Variants in PDE4D observed in about 807,000 individuals in gnomAD.
The protein encoded by PDE4D is 3',5'-cyclic-AMP phosphodiesterase 4D.
Under a neutral mutation model 87.4 loss-of-function variants are expected in PDE4D, and 24 were observed. The ratio of observed to expected loss-of-function variants is 0.27; its 90% confidence interval spans 0.20 to 0.39. The LOEUF (loss-of-function observed/expected upper bound fraction) is 0.39, where lower values mean the gene tolerates loss of function less well. PDE4D is among the 10% of genes least tolerant of loss of function. The pLI is 1.00. For missense variants in PDE4D, 714 were observed against 1,041.0 expected (o/e 0.69, Z 4.32); for synonymous variants, 384 against 383.2 (o/e 1.00, Z -0.02).
chr5:59,140,762 A>G (rs1777768855), intron 5 of PDE4D, among the ~76,000 whole-genome samples: 1 of 152,212 alleles, frequency 6.6e-6, no homozygotes, highest in Non-Finnish European at 1.5e-5. Context: ...TGGCAAGCAC[A>G]CATTCTTATC....
At chr5:59,537,309 T>C (rs1325321088) in intron 1 of PDE4D, among the ~76,000 whole-genome samples, 2 of 152,240 alleles carry the variant, frequency 1.3e-5, no homozygotes, top group African/African-American at 4.8e-5. Context: ...TTTCCAGTTA[T>C]TAATTAGGAA....
In PDE4D at chr5:60,364,203, G is replaced by A. The variant is rs146498351; in HGVS notation, c.-90+123739C>T. Among the ~76,000 whole-genome samples, 51 of 152,248 alleles carry A rather than the reference G, an allele frequency of 3.3e-4. 1 individual carries two copies. The East Asian group carries it at 9.1e-3, about 27-fold the overall frequency. On this transcript the variant is annotated intron_variant, in intron 1 of 16. Coordinates refer to the PDE4D transcript ENST00000502484. ...GGTTCTCCTCAGGCTGCTCACACTTGTCTTTTCAGAAAGACCAGCCAAACT... is the reference window on the plus strand; with the variant it reads ...GGTTCTCCTCAGGCTGCTCACACTTATCTTTTCAGAAAGACCAGCCAAACT...
At chr5:60,270,292 G>A (rs12523473) in intron 1 of PDE4D, among the ~76,000 whole-genome samples, 81,434 of 151,960 alleles carry the variant, frequency 0.54, 23,370 homozygotes, top group African/African-American at 0.72. Context: ...CTCATTTACA[G>A]TTACATAAAC....
intron 1 of PDE4D, among the ~76,000 whole-genome samples, chr5:59,447,659 TA>T (rs1456387491): frequency 7.2e-5 from 11 of 152,238 alleles, no homozygotes; most frequent in African/African-American, 2.7e-4. Context: ...AGAATGTATG[TA>T]AAAAACTTTA....
chr5:60,283,885 T>A (rs1752177272), intron 1 of PDE4D, among the ~76,000 whole-genome samples: 1 of 152,044 alleles, frequency 6.6e-6, no homozygotes, highest in Non-Finnish European at 1.5e-5. Context: ...GTGTATTTCC[T>A]ATGCACAGAG....
intron 1 of PDE4D, among the ~76,000 whole-genome samples, chr5:59,671,754 C>G (rs1747245340): frequency 1.3e-5 from 2 of 151,006 alleles, no homozygotes; most frequent in Non-Finnish European, 2.9e-5. Context: ...GCTGCAGGAG[C>G]CATGATCATA....
At chr5:59,483,101 T>G (rs1366863408) in intron 1 of PDE4D, among the ~76,000 whole-genome samples, 1 of 152,144 alleles carries the variant, frequency 6.6e-6, no homozygotes, top group African/African-American at 2.4e-5. Flanking sequence ...GGAGGTTGGT[T>G]TTTTCCTGCC....
At chr5:60,406,095 AT>A (rs530603483) in intron 1 of PDE4D, among the ~76,000 whole-genome samples, 395 of 152,288 alleles carry the variant, frequency 2.6e-3, no homozygotes, top group African/African-American at 9.0e-3. Flanking sequence ...TGGAAAAAAA[AT>A]AATAAAGATA....
At chr5:59,421,697 G>T (rs1339786476) in intron 1 of PDE4D, among the ~76,000 whole-genome samples, 14 of 152,096 alleles carry the variant, frequency 9.2e-5, no homozygotes, top group African/African-American at 3.1e-4. Context: ...GTTAGTAGGA[G>T]TCTAAAGGGG....
chr5:59,334,252 T>TTTG (rs1777256356), intron 1 of PDE4D, among the ~76,000 whole-genome samples: 2 of 67,290 alleles, frequency 3.0e-5, no homozygotes, highest in African/African-American at 8.3e-5. Context: ...GTGGAGTTTT[T>TTTG]TTTTTTTTTT....
intron 1 of PDE4D, among the ~76,000 whole-genome samples, chr5:59,301,477 G>T (rs1770240310): frequency 6.6e-6 from 1 of 152,102 alleles, no homozygotes; most frequent in Non-Finnish European, 1.5e-5. Context: ...AGATGAAAAG[G>T]ACAGATTTTC....
intron 2 of PDE4D, among the ~76,000 whole-genome samples, chr5:60,007,707 A>G (rs1764626281): frequency 1.3e-5 from 2 of 151,978 alleles, no homozygotes; most frequent in Admixed American, 1.3e-4. Context: ...CCCTTGTTTC[A>G]TGACCCTCTA....
At chr5:60,503,914 A>C (rs897367691) in intron 1 of PDE4D, among the ~76,000 whole-genome samples, 1 of 152,192 alleles carries the variant, frequency 6.6e-6, no homozygotes, top group African/African-American at 2.4e-5. Context: ...GACCTTTGTA[A>C]GCTTCAAACC....
intron 1 of PDE4D, among the ~76,000 whole-genome samples, chr5:59,584,556 T>A (rs549613267): frequency 2.0e-5 from 3 of 152,350 alleles, no homozygotes; most frequent in South Asian, 2.1e-4. Context: ...TAGAGGAGCA[T>A]GAATAAGCAA....
At chr5:60,390,672 C>G (rs1215307365) in intron 1 of PDE4D, among the ~76,000 whole-genome samples, 1 of 151,744 alleles carries the variant, frequency 6.6e-6, no homozygotes, top group African/African-American at 2.4e-5. Flanking sequence ...ACAAGAACCA[C>G]CAGCTGAGGA....
chr5:60,463,614 C>T (rs1007998200), intron 1 of PDE4D, among the ~76,000 whole-genome samples: 1 of 152,164 alleles, frequency 6.6e-6, no homozygotes, highest in Non-Finnish European at 1.5e-5. Context: ...AACATTCTAA[C>T]CCCTGGAGAA....
chr5:60,046,594 C>G (rs1769289812), intron 2 of PDE4D, among the ~76,000 whole-genome samples: 1 of 152,166 alleles, frequency 6.6e-6, no homozygotes, highest in Non-Finnish European at 1.5e-5. Context: ...TGAATTTTGT[C>G]AAAGGCCTTT....
intron 1 of PDE4D, among the ~76,000 whole-genome samples, chr5:60,400,309 TCAGGAGATCGAGACCATCCTGGCTAA>T (rs1032436810): frequency 6.6e-6 from 1 of 151,388 alleles, no homozygotes; most frequent in African/African-American, 2.4e-5. Context: ...GATCATGAGG[TCAGGAGATCGAGACCATCCTGGCTAA>T]CATGGTGAAA....
intron 1 of PDE4D, among the ~76,000 whole-genome samples, chr5:59,413,914 A>G (rs1044687046): frequency 6.6e-6 from 1 of 152,234 alleles, no homozygotes; most frequent in Non-Finnish European, 1.5e-5. Context: ...ATACATGTGC[A>G]CACACACAAA....
Sources: gnomAD v4.1 joint callset for allele counts (sites outside exome capture counted in the v4.1 genomes callset) on GRCh38, gnomAD v4.1.1 for gene constraint, MANE v1.5 for transcripts, NCBI Gene and HGNC (gene_info 2026-07-23, HGNC 2026-07-21) for gene names.